Variants in RAB31 observed in about 807,000 individuals in gnomAD.
RAB31 encodes the protein RAB31, member RAS oncogene family.
Under a neutral mutation model 25.6 loss-of-function variants are expected in RAB31, and 21 were observed. The observed-to-expected ratio is 0.82, with a 90% confidence interval of 0.58 to 1.18. The LOEUF is 1.18. Ranked by LOEUF, RAB31 falls within the 50% of genes most tolerant of loss-of-function variation. The probability of loss-of-function intolerance (pLI) is 0.00; values close to 1 mark genes in which losing one functional copy is unlikely to be tolerated. For synonymous variants in RAB31, 87 were observed against 84.0 expected, an observed-to-expected ratio of 1.04 and a Z score of -0.20; for missense variants, 196 against 250.1, an observed-to-expected ratio of 0.78 and a Z score of 1.46.
intron 2 of RAB31, among the ~76,000 whole-genome samples, chr18:9,781,527 G>A (rs186441954): frequency 6.6e-6 from 1 of 152,340 alleles, no homozygotes; most frequent in East Asian, 1.9e-4. Context: ...TGGCCAGGCT[G>A]GTCTCGAGCT....
At chr18:9,749,340 A>T (rs528287130) in intron 1 of RAB31, among the ~76,000 whole-genome samples, 2 of 115,826 alleles carry the variant, frequency 1.7e-5, no homozygotes, top group South Asian at 6.2e-4. Context: ...TTTACGGAAC[A>T]GAGGGAACAG....
chr18:9,841,834 A>G (rs1050117805), intron 5 of RAB31, among the ~76,000 whole-genome samples: 1 of 152,198 alleles, frequency 6.6e-6, no homozygotes, highest in Admixed American at 6.5e-5. Flanking sequence ...TTCCATGGCT[A>G]CTGAAGATTT....
chr18:9,814,079 T>C lies in RAB31; in HGVS notation c.261T>C (p.Asp87=), dbSNP rs2068588932. 1 of 1,581,866 alleles carries C rather than the reference T, an allele frequency of 6.3e-7. No individual in the cohort carries two copies. Among genetic ancestry groups the C allele is most frequent in the Non-Finnish European group, 8.6e-7 (1 of 1,157,154 alleles). Residue 87 remains aspartate (D), a synonymous_variant, in exon 4 of 7, where the codon GAT becomes GAC. Coordinates refer to ENST00000578921, the MANE Select transcript of RAB31 (RefSeq NM_006868.4). The part of the protein sequence containing the change: ...RGSAAAVIVY[D]ITKQDSFYTL... Reference sequence around the variant, plus strand: ...CAGCTGCAGCTGTTATCGTGTATGATATTACCAAGCAGGTAAGAATGTCTC... The same window carrying C: ...CAGCTGCAGCTGTTATCGTGTATGACATTACCAAGCAGGTAAGAATGTCTC...
chr18:9,712,417 C>T (rs558340026), intron 1 of RAB31, among the ~76,000 whole-genome samples: 12 of 152,214 alleles, frequency 7.9e-5, no homozygotes, highest in Admixed American at 1.3e-4. Context: ...GGGGAAGCAC[C>T]CTGGGCAGGA....
intron 2 of RAB31, among the ~76,000 whole-genome samples, chr18:9,780,175 C>CA (rs11338062): frequency 0.018 from 1,902 of 105,942 alleles, 43 homozygotes; most frequent in African/African-American, 0.05. Flanking sequence ...AATACTGTTC[C>CA]AAAAAAAAAA....
chr18:9,762,478 A>T lies in RAB31; in HGVS notation c.40-12800A>T, dbSNP rs1292025593. Among the ~76,000 whole-genome samples the T allele has an allele frequency of 2.6e-5, 4 of 152,168 alleles. No homozygotes were observed. The East Asian group carries it at 7.7e-4, about 29-fold the overall frequency. ...CAGTGACCCATCTTGCCCAGTGAGGAGCTCACACATGTGTTGCTTGTGAAG... is the reference window on the plus strand; with the variant it reads ...CAGTGACCCATCTTGCCCAGTGAGGTGCTCACACATGTGTTGCTTGTGAAG... On this transcript the variant is annotated intron_variant, in intron 1 of 6. Transcript: ENST00000578921.
At position 9,850,732 on chromosome 18, in the gene RAB31, G is replaced by A. The variant is rs1419844191; in HGVS notation, c.490+5041G>A. On this transcript the variant is annotated intron_variant, in intron 6 of 6. Coordinates refer to ENST00000578921, the MANE Select transcript of RAB31 (RefSeq NM_006868.4). The stretch of plus-strand genomic sequence containing the variant: ...ATTAAGGTGAATATATGGGCATGGC[G>A]GTGTGCACCTGTAGTCCCAGCTACT... 3.9e-5 allele frequency among the ~76,000 whole-genome samples: 6 copies of A among 152,228 alleles called. No homozygotes were observed. The East Asian group carries it at 5.8e-4, about 15-fold the overall frequency.
chr18:9,724,491 A>G (rs1292786978), intron 1 of RAB31, among the ~76,000 whole-genome samples: 2 of 152,124 alleles, frequency 1.3e-5, no homozygotes, highest in African/African-American at 4.8e-5. Context: ...GTTACACTCT[A>G]CTTGTGCCTT....
intron 5 of RAB31, among the ~76,000 whole-genome samples, chr18:9,836,981 A>G (rs1303178554): frequency 2.0e-5 from 3 of 150,406 alleles, no homozygotes; most frequent in African/African-American, 7.4e-5. Context: ...GTGTGTGAGG[A>G]ACGGGGTGAA....
At chr18:9,806,531 C>T (rs923531076) in intron 3 of RAB31, among the ~76,000 whole-genome samples, 5 of 151,500 alleles carry the variant, frequency 3.3e-5, no homozygotes, top group Admixed American at 1.3e-4. Context: ...GCGAGAAGGC[C>T]GGGGCTGGAG....
At chr18:9,808,647 C>T (rs891884322) in intron 3 of RAB31, among the ~76,000 whole-genome samples, 1 of 152,246 alleles carries the variant, frequency 6.6e-6, no homozygotes, top group Non-Finnish European at 1.5e-5. Context: ...CTCTTTTTGG[C>T]ATCTGCCCTT....
At chr18:9,729,558 G>T (rs970512283) in intron 1 of RAB31, among the ~76,000 whole-genome samples, 3 of 151,338 alleles carry the variant, frequency 2.0e-5, no homozygotes, top group Admixed American at 1.3e-4. Context: ...GCTATATTTT[G>T]TCCTAGTACT....
chr18:9,809,992 C>G (rs1279429159), intron 3 of RAB31, among the ~76,000 whole-genome samples: 2 of 152,214 alleles, frequency 1.3e-5, no homozygotes, highest in Non-Finnish European at 2.9e-5. Flanking sequence ...CCCGTCTCCC[C>G]TGCCACAGGG....
intron 6 of RAB31, among the ~76,000 whole-genome samples, chr18:9,853,140 ATTTG>A (rs2068797618): frequency 6.6e-6 from 1 of 151,998 alleles, no homozygotes; most frequent in South Asian, 2.1e-4. Flanking sequence ...TTTATCAGAT[ATTTG>A]TTTTTCAATT....
intron 5 of RAB31, among the ~76,000 whole-genome samples, chr18:9,825,618 T>A (rs1045633526): frequency 5.3e-5 from 8 of 152,076 alleles, no homozygotes; most frequent in Non-Finnish European, 7.4e-5. Flanking sequence ...GGTCCAAGGG[T>A]CATTCTCGGA....
chr18:9,850,576 T>TA (rs2068784236), intron 6 of RAB31, among the ~76,000 whole-genome samples: 1 of 152,252 alleles, frequency 6.6e-6, no homozygotes, highest in East Asian at 1.9e-4. Context: ...TTGCTCCAGT[T>TA]AATTTAAGTG....
chr18:9,738,892 T>G (rs532510169), intron 1 of RAB31, among the ~76,000 whole-genome samples: 1 of 152,152 alleles, frequency 6.6e-6, no homozygotes, highest in Non-Finnish European at 1.5e-5. Context: ...AGCTTCACAA[T>G]TGAGTTGAAC....
chr18:9,809,672 T>C (rs946449093), intron 3 of RAB31, among the ~76,000 whole-genome samples: 5 of 152,214 alleles, frequency 3.3e-5, no homozygotes, highest in African/African-American at 4.8e-5. Flanking sequence ...TATTCCATCA[T>C]ATGGCTAAGC....
chr18:9,720,434 T>C (rs1290105404), intron 1 of RAB31, among the ~76,000 whole-genome samples: 1 of 152,156 alleles, frequency 6.6e-6, no homozygotes, highest in African/African-American at 2.4e-5. Flanking sequence ...TTGCCAGATG[T>C]TCAGAAGGTG....
Sources: allele counts gnomAD v4.1 joint callset (sites outside exome capture counted in the v4.1 genomes callset), GRCh38; gene constraint gnomAD v4.1.1; transcripts MANE v1.5; gene names NCBI Gene and HGNC (gene_info 2026-07-23, HGNC 2026-07-21).